Variants in TTC13 observed in about 807,000 individuals in gnomAD.
The protein encoded by TTC13 is tetratricopeptide repeat domain 13.
TTC13 carries 62 observed loss-of-function variants against 120.0 expected under a neutral mutation model. The ratio of observed to expected loss-of-function variants is 0.52; its 90% CI spans 0.42 to 0.64. The LOEUF (loss-of-function observed/expected upper bound fraction) is 0.64. Among genes scored for constraint, TTC13 ranks in the 30% least tolerant of loss-of-function variants. TTC13 has a pLI of 0.00. For missense variants in TTC13, 824 were observed against 1,050.2 expected (o/e 0.78, Z 2.98); for synonymous variants, 384 against 393.5 (o/e 0.98, Z 0.28).
intron 4 of TTC13, among the ~76,000 whole-genome samples, chr1:230,947,778 A>C (rs1449561677): frequency 6.6e-6 from 1 of 152,204 alleles, no homozygotes; most frequent in East Asian, 1.9e-4. Context: ...AGTTTACTCC[A>C]GATGACCAAG....
At chr1:230,912,817 A>T in intron 18 of TTC13, 59 bp from the exon 19 acceptor site, 2 of 1,537,490 alleles carry the variant, frequency 1.3e-6, no homozygotes, top group Non-Finnish European at 1.8e-6. Context: ...AGCCAAACAC[A>T]GAAAGTTTTT....
intron 10 of TTC13, 60 bp downstream of exon 10, chr1:230,931,676 A>G: frequency 6.3e-7 from 1 of 1,586,942 alleles, no homozygotes; most frequent in Non-Finnish European, 8.6e-7. Context: ...ATTTCACTAA[A>G]CTTCAATGAA....
At chr1:230,976,018 T>A (rs1678270900) in intron 1 of TTC13, among the ~76,000 whole-genome samples, 1 of 152,214 alleles carries the variant, frequency 6.6e-6, no homozygotes, top group Non-Finnish European at 1.5e-5. Context: ...TATGCAGATT[T>A]AAATTTAGAC....
At chr1:230,961,166 G>A (rs1290188571) in intron 2 of TTC13, 43 bp downstream of exon 2, 1 of 1,520,624 alleles carries the variant, frequency 6.6e-7, no homozygotes, top group African/African-American at 1.4e-5. Context: ...AGTATCACTG[G>A]GCTTCAGGTT....
intron 3 of TTC13, among the ~76,000 whole-genome samples, chr1:230,957,949 T>C (rs1410621537): frequency 6.6e-6 from 1 of 152,228 alleles, no homozygotes; most frequent in Non-Finnish European, 1.5e-5. Flanking sequence ...AATAACCTTT[T>C]ACTGAATCGA....
chr1:230,931,532 T>C, intron 10 of TTC13, 60 bp from the exon 11 acceptor site: 1 of 1,576,392 alleles, frequency 6.3e-7, no homozygotes, highest in East Asian at 2.2e-5. Context: ...AAATGCTTTA[T>C]TCTTTACTCT....
chr1:230,920,624 T>A, intron 16 of TTC13, 30 bp from the exon 17 acceptor site: 1 of 1,306,800 alleles, frequency 7.7e-7, no homozygotes, highest in Admixed American at 2.4e-5. Context: ...AGATGGCAAC[T>A]GAGATTAATG....
At chr1:230,907,051 A>G in intron 22 of TTC13, 32 bp from the exon 23 acceptor site, 1 of 1,148,054 alleles carries the variant, frequency 8.7e-7, no homozygotes, top group Non-Finnish European at 1.2e-6. Context: ...TAGCGGCATG[A>G]AAATTAACAA....
chr1:230,939,301 C>T, intron 8 of TTC13, 85 bp downstream of exon 8: 1 of 675,456 alleles, frequency 1.5e-6, no homozygotes, highest in Non-Finnish European at 2.5e-6. Context: ...ATAATAAATA[C>T]CAGCCATCAA....
chr1:230,928,319 T>A (rs1673221689), intron 12 of TTC13, among the ~76,000 whole-genome samples: 1 of 152,228 alleles, frequency 6.6e-6, no homozygotes, highest in African/African-American at 2.4e-5. Context: ...AGTTTTGTGA[T>A]CTCCATACAG....
At chr1:230,932,751 T>C (rs949369081) in intron 9 of TTC13, among the ~76,000 whole-genome samples, 1 of 152,136 alleles carries the variant, frequency 6.6e-6, no homozygotes, top group Non-Finnish European at 1.5e-5. Flanking sequence ...CCTCAAACTA[T>C]CAGATAAATA....
chr1:230,908,524 A>T (rs765457015), intron 22 of TTC13, 188 bp downstream of exon 22: 40 of 603,230 alleles, frequency 6.6e-5, no homozygotes, highest in Non-Finnish European at 1.0e-4. Context: ...ATTCACCCTT[A>T]AAAGGTTATC....
chr1:230,916,384 C>T (rs960128879), intron 17 of TTC13, 82 bp from the exon 18 acceptor site: 1 of 1,047,830 alleles, frequency 9.5e-7, no homozygotes, highest in African/African-American at 1.6e-5. Flanking sequence ...GCTGGCTCTA[C>T]CTTACATGTT....
Position 230,915,861 on chromosome 1 carries a change from A to G in TTC13, c.2093+332T>C, listed in dbSNP as rs146453857. On this transcript the variant is annotated intron_variant, in intron 18 of 22. Transcript: ENST00000366661. ...AATCTACAATGGACTTCAATCCGCC[A>G]ACTGCTCATCTTTTTTCATTTTATT... 1.3e-3 allele frequency among the ~76,000 whole-genome samples: 201 copies of G among 150,580 alleles called. 1 individual carries two copies. The highest frequency in any genetic ancestry group is 4.8e-3 in the African/African-American group (197 of 40,868).
At chr1:230,913,943 G>C (rs1671759445) in intron 18 of TTC13, among the ~76,000 whole-genome samples, 1 of 152,190 alleles carries the variant, frequency 6.6e-6, no homozygotes. Flanking sequence ...AGGGAAGCTG[G>C]TTTGGGTAGC....
At chr1:230,929,218 A>C in intron 11 of TTC13, 125 bp from the exon 12 acceptor site, 1 of 1,020,344 alleles carries the variant, frequency 9.8e-7, no homozygotes, top group Non-Finnish European at 1.4e-6. Context: ...AAGAGTTTCT[A>C]AATTTTAGTA....
At chr1:230,976,724 T>A (rs1308662475) in intron 1 of TTC13, among the ~76,000 whole-genome samples, 1 of 152,120 alleles carries the variant, frequency 6.6e-6, no homozygotes, top group Non-Finnish European at 1.5e-5. Flanking sequence ...CTAAATAAAT[T>A]ATGTTTACAG....
rs545265703 is a variant in TTC13, at chr1:230,939,528, A to T, written c.790-32T>A. The T allele has an allele frequency of 2.8e-6, 4 of 1,411,808 alleles. No homozygotes were observed. In the Admixed American group the frequency reaches 7.1e-5, roughly 25 times the overall value. 87.5% of individuals were successfully genotyped at this position (1,411,808 alleles called of 1,614,324 possible). A position where few individuals can be genotyped will look rare whatever the true frequency, so the allele number is the denominator to read the frequency against. On this transcript the variant is annotated intron_variant, in intron 7 of 22. Coordinates refer to ENST00000366661, the MANE Select transcript of TTC13 (RefSeq NM_024525.5). The stretch of plus-strand genomic sequence containing the variant: ...AAAGGAGAGTGGGGGGAAAAATAAA[A>T]TAGTATTCATTAGATATGTGAACAT...
intron 8 of TTC13, among the ~76,000 whole-genome samples, chr1:230,936,836 G>A (rs920655325): frequency 6.6e-6 from 1 of 152,178 alleles, no homozygotes; most frequent in Non-Finnish European, 1.5e-5. Context: ...CCTAGACAAA[G>A]TTCATTTATT....
Sources: gnomAD v4.1 joint callset for allele counts (sites outside exome capture counted in the v4.1 genomes callset) on GRCh38, gnomAD v4.1.1 for gene constraint, MANE v1.5 for transcripts, NCBI Gene and HGNC (gene_info 2026-07-23, HGNC 2026-07-21) for gene names.